Variants in DIAPH2 observed in about 807,000 individuals in gnomAD.
DIAPH2 encodes the protein diaphanous related formin 2.
Under a neutral mutation model 92.7 loss-of-function variants are expected in DIAPH2, and 35 were observed. That is an observed-to-expected ratio of 0.38 (90% CI 0.29 to 0.50). The LOEUF (loss-of-function observed/expected upper bound fraction) is 0.50. Among genes scored for constraint, DIAPH2 ranks in the 20% least tolerant of loss-of-function variants. The pLI is 0.94. For synonymous variants in DIAPH2, 301 were observed against 280.4 expected, an observed-to-expected ratio of 1.07 and a Z score of -0.73; for missense variants, 701 against 819.5, an observed-to-expected ratio of 0.86 and a Z score of 1.77.
chrX:97,588,430 A>C (rs2071492425), intron 26 of DIAPH2, among the ~76,000 whole-genome samples: 2 of 110,832 alleles, frequency 1.8e-5, no homozygotes, highest in South Asian at 7.7e-4. Context: ...GCTTTACTAA[A>C]CATCGGTCAG....
At chrX:97,497,738 G>A (rs1418933291) in intron 26 of DIAPH2, among the ~76,000 whole-genome samples, 1 of 110,377 alleles carries the variant, frequency 9.1e-6, no homozygotes, top group Non-Finnish European at 1.9e-5. Context: ...CCCGGGAGTT[G>A]GAGGTTGCAG....
At chrX:97,137,872 GA>G (rs1346344599) in intron 21 of DIAPH2, among the ~76,000 whole-genome samples, 1 of 112,026 alleles carries the variant, frequency 8.9e-6, no homozygotes, top group Non-Finnish European at 1.9e-5. Flanking sequence ...TTACCATTGA[GA>G]AATTAAACAT....
intron 4 of DIAPH2, among the ~76,000 whole-genome samples, chrX:96,826,737 A>G (rs756556717): frequency 1.8e-5 from 2 of 111,211 alleles, no homozygotes; most frequent in East Asian, 5.7e-4. Context: ...ACCCTCTTAA[A>G]ATTTTTTAAA....
intron 17 of DIAPH2, among the ~76,000 whole-genome samples, chrX:96,969,339 T>G (rs1478806244): frequency 8.9e-6 from 1 of 111,820 alleles, no homozygotes; most frequent in Admixed American, 9.5e-5. Flanking sequence ...TTTTTAATGA[T>G]ATTGACTCAT....
chrX:96,776,048 C>T (rs2064375328), intron 4 of DIAPH2, among the ~76,000 whole-genome samples: 1 of 111,452 alleles, frequency 9.0e-6, no homozygotes, highest in African/African-American at 3.3e-5. Context: ...TAAAAGCTGA[C>T]GTCTTCTAAG....
intron 26 of DIAPH2, among the ~76,000 whole-genome samples, chrX:97,587,778 A>C (rs777539838): frequency 4.7e-4 from 53 of 112,248 alleles, no homozygotes; most frequent in African/African-American, 1.6e-3. Flanking sequence ...CTAATATTTA[A>C]AATGTTCAGC....
At chrX:96,910,556 G>C (rs2065462962) in intron 5 of DIAPH2, among the ~76,000 whole-genome samples, 1 of 111,331 alleles carries the variant, frequency 9.0e-6, no homozygotes, top group Non-Finnish European at 1.9e-5. Context: ...AATATAGACA[G>C]CATAGATGTT....
At chrX:97,081,312 C>T (rs1280084985) in intron 19 of DIAPH2, among the ~76,000 whole-genome samples, 1 of 110,165 alleles carries the variant, frequency 9.1e-6, no homozygotes, top group African/African-American at 3.3e-5. Flanking sequence ...TTGTTTGCTA[C>T]TTTCAGTCTA....
At chrX:97,104,916 C>T (rs554190388) in intron 20 of DIAPH2, among the ~76,000 whole-genome samples, 35 of 111,920 alleles carry the variant, frequency 3.1e-4, no homozygotes, top group African/African-American at 1.1e-3. Context: ...GCAGGCAGAT[C>T]GCTTGAGCCC....
intron 26 of DIAPH2, among the ~76,000 whole-genome samples, chrX:97,585,798 G>T (rs1352937012): frequency 9.0e-6 from 1 of 111,461 alleles, no homozygotes; most frequent in Non-Finnish European, 1.9e-5. Context: ...AACTGAAATT[G>T]CTCTCATTAA....
At chrX:97,127,619 A>G (rs1264709603) in intron 21 of DIAPH2, among the ~76,000 whole-genome samples, 3 of 112,665 alleles carry the variant, frequency 2.7e-5, no homozygotes, top group African/African-American at 9.7e-5. Flanking sequence ...TTTTGTTAGA[A>G]GTAAAATGTA....
At chrX:97,183,160 A>G (rs1465035781) in intron 22 of DIAPH2, among the ~76,000 whole-genome samples, 6 of 111,590 alleles carry the variant, frequency 5.4e-5, no homozygotes, top group African/African-American at 2.0e-4. Flanking sequence ...ATTTGTTTTT[A>G]TTGGGGTATA....
intron 1 of DIAPH2, among the ~76,000 whole-genome samples, chrX:96,695,357 C>T (rs377141289): frequency 8.9e-6 from 1 of 112,509 alleles, no homozygotes; most frequent in South Asian, 3.6e-4. Context: ...GTTTGTTTTA[C>T]GAAAGTAGGG....
At chrX:97,289,218 G>A (rs1430024829) in intron 23 of DIAPH2, among the ~76,000 whole-genome samples, 1 of 111,650 alleles carries the variant, frequency 9.0e-6, no homozygotes, top group African/African-American at 3.3e-5. Context: ...ATCTTCCCAG[G>A]TGTTGAAATG....
At chrX:96,863,886 AG>A (rs1476943486) in intron 4 of DIAPH2, among the ~76,000 whole-genome samples, 10 of 111,175 alleles carry the variant, frequency 9.0e-5, no homozygotes, top group Non-Finnish European at 1.7e-4. Flanking sequence ...ACATGGGGAA[AG>A]CCTGTCTCTC....
chrX:97,181,782 ATAG>A (rs2067542539), intron 22 of DIAPH2, among the ~76,000 whole-genome samples: 1 of 112,608 alleles, frequency 8.9e-6, no homozygotes, highest in African/African-American at 3.2e-5. Context: ...TAATGTGACA[ATAG>A]TAGTCTTTTG....
chrX:97,079,596 C>T (rs2066727439), intron 19 of DIAPH2, among the ~76,000 whole-genome samples: 1 of 110,770 alleles, frequency 9.0e-6, no homozygotes, highest in Non-Finnish European at 1.9e-5. Context: ...GAGGCTGAGA[C>T]TGAAAATAAG....
At chrX:97,323,954 A>G (rs1469838128) in intron 23 of DIAPH2, among the ~76,000 whole-genome samples, 9 of 109,406 alleles carry the variant, frequency 8.2e-5, no homozygotes, top group African/African-American at 1.7e-4. Flanking sequence ...GAGGCTCTTT[A>G]TAGGCTAAAT....
chrX:97,142,144 A>G (rs749395408), intron 22 of DIAPH2, among the ~76,000 whole-genome samples: 26 of 111,507 alleles, frequency 2.3e-4, no homozygotes, highest in African/African-American at 8.1e-4. Flanking sequence ...AGAGTTTTTG[A>G]TTGAGTGTGG....
Sources: allele counts gnomAD v4.1 joint callset (sites outside exome capture counted in the v4.1 genomes callset), GRCh38; gene constraint gnomAD v4.1.1; transcripts MANE v1.5; gene names NCBI Gene and HGNC (gene_info 2026-07-23, HGNC 2026-07-21).